The following SEMA5B variants were observed in gnomAD, a reference collection of about 807,000 sequenced individuals.
The protein encoded by SEMA5B is semaphorin-5B.
A neutral mutation model predicts 135.0 loss-of-function variants in SEMA5B; 66 were observed. The observed-to-expected ratio is 0.49, with a 90% CI of 0.40 to 0.60. The LOEUF is 0.60. SEMA5B is among the 20% of genes least tolerant of loss of function. The pLI is 0.00. For missense variants in SEMA5B, 1,501 were observed against 1,566.3 expected (o/e 0.96, Z 0.70); for synonymous variants, 690 against 639.5 (o/e 1.08, Z -1.19).
intron 2 of SEMA5B, among the ~76,000 whole-genome samples, chr3:122,957,607 C>A (rs1445705008): frequency 6.6e-6 from 1 of 152,210 alleles, no homozygotes; most frequent in Non-Finnish European, 1.5e-5. Context: ...GTACAAATGC[C>A]TGGAGCATAT....
intron 1 of SEMA5B, among the ~76,000 whole-genome samples, chr3:123,023,450 C>T (rs1267281009): frequency 1.3e-5 from 2 of 152,112 alleles, no homozygotes; most frequent in Non-Finnish European, 2.9e-5. Flanking sequence ...GTATAAGTAA[C>T]ACTCCCTCCA....
chr3:122,922,706 A>G (rs566791090), intron 10 of SEMA5B, among the ~76,000 whole-genome samples: 2 of 152,288 alleles, frequency 1.3e-5, no homozygotes, highest in African/African-American at 4.8e-5. Context: ...GGAGGAGAGC[A>G]AAGGGGACTG....
intron 1 of SEMA5B, among the ~76,000 whole-genome samples, chr3:122,993,870 C>T (rs749605755): frequency 1.2e-4 from 18 of 151,894 alleles, no homozygotes; most frequent in African/African-American, 1.9e-4. Flanking sequence ...AAGCATTTCA[C>T]GAAATAGTCA....
At chr3:122,958,773 T>C (rs1940447906) in intron 2 of SEMA5B, among the ~76,000 whole-genome samples, 1 of 151,958 alleles carries the variant, frequency 6.6e-6, no homozygotes, top group African/African-American at 2.4e-5. Flanking sequence ...GGGGAGGGTA[T>C]GGGGAGCCTC....
intron 1 of SEMA5B, among the ~76,000 whole-genome samples, chr3:123,002,045 C>G (rs866421033): frequency 2.6e-5 from 4 of 152,162 alleles, no homozygotes; most frequent in African/African-American, 9.7e-5. Context: ...AACCAAGGCA[C>G]AAGAATCAGA....
intron 1 of SEMA5B, among the ~76,000 whole-genome samples, chr3:122,973,740 C>T (rs1941212007): frequency 6.6e-6 from 1 of 152,170 alleles, no homozygotes; most frequent in Non-Finnish European, 1.5e-5. Context: ...TGGAGCCTCC[C>T]TGTCCCACTC....
chr3:122,923,999 T>G (rs2107644364), intron 9 of SEMA5B, among the ~76,000 whole-genome samples: 1 of 148,690 alleles, frequency 6.7e-6, no homozygotes. Flanking sequence ...CCTCCCTCCC[T>G]TATTCGGGGG....
chr3:122,963,066 G>A (rs1229497159), intron 1 of SEMA5B, among the ~76,000 whole-genome samples: 1 of 152,206 alleles, frequency 6.6e-6, no homozygotes, highest in Non-Finnish European at 1.5e-5. Flanking sequence ...GGTCACAGAA[G>A]CTGCATCCCT....
intron 1 of SEMA5B, among the ~76,000 whole-genome samples, chr3:123,001,550 A>C (rs1177093768): frequency 6.6e-6 from 1 of 152,192 alleles, no homozygotes; most frequent in Non-Finnish European, 1.5e-5. Context: ...TCCCTTTCAT[A>C]ATTCCCAGTG....
chr3:122,923,080 C>G (rs1224781360), intron 10 of SEMA5B, among the ~76,000 whole-genome samples: 1 of 152,190 alleles, frequency 6.6e-6, no homozygotes. Context: ...ATCCCACCCC[C>G]TGGGTGGGAA....
intron 1 of SEMA5B, among the ~76,000 whole-genome samples, chr3:123,006,143 T>A (rs902270001): frequency 4.6e-5 from 7 of 152,176 alleles, no homozygotes; most frequent in African/African-American, 1.7e-4. Flanking sequence ...ACTAGGAGTG[T>A]CTGCAGCTGG....
At position 123,005,628 on chromosome 3, in the gene SEMA5B, G is replaced by A. The variant is rs186921800; in HGVS notation, c.-39+21836C>T. Among the ~76,000 whole-genome samples the A allele has an allele frequency of 1.9e-3, 292 of 152,282 alleles. 1 individual carries two copies. The highest frequency in any genetic ancestry group is 6.7e-3 in the African/African-American group (279 of 41,548). ...TCTCATTGTAACTGGCTGAGGTTGAGGGTAGGGAGGTGGAATAGAGAATAA... is the reference window on the plus strand; with the variant it reads ...TCTCATTGTAACTGGCTGAGGTTGAAGGTAGGGAGGTGGAATAGAGAATAA... On this transcript the variant is annotated intron_variant, in intron 1 of 22. Transcript: ENST00000357599.
intron 1 of SEMA5B, among the ~76,000 whole-genome samples, chr3:123,024,000 C>T (rs774823106): frequency 6.6e-6 from 1 of 152,282 alleles, no homozygotes; most frequent in South Asian, 2.1e-4. Context: ...GGTGGGGCAC[C>T]AGAACTCAGC....
chr3:122,998,106 G>T (rs969106746), intron 1 of SEMA5B, among the ~76,000 whole-genome samples: 7 of 152,160 alleles, frequency 4.6e-5, no homozygotes, highest in Non-Finnish European at 8.8e-5. Context: ...CCTCACAGGA[G>T]CCTCCCTTGG....
At chr3:122,930,088 A>G (rs1938889671) in intron 5 of SEMA5B, among the ~76,000 whole-genome samples, 1 of 152,230 alleles carries the variant, frequency 6.6e-6, no homozygotes, top group Admixed American at 6.5e-5. Context: ...GGGGAAAAAA[A>G]AGAGCCCACC....
At chr3:122,960,218 C>T (rs1940514473) in intron 2 of SEMA5B, among the ~76,000 whole-genome samples, 1 of 152,212 alleles carries the variant, frequency 6.6e-6, no homozygotes, top group African/African-American at 2.4e-5. Flanking sequence ...CATTTCTACT[C>T]ACTTCCCCCA....
At chr3:122,914,903 G>A (rs768600644) in intron 14 of SEMA5B, among the ~76,000 whole-genome samples, 1 of 152,112 alleles carries the variant, frequency 6.6e-6, no homozygotes, top group Admixed American at 6.5e-5. Flanking sequence ...AGAGTGAGAC[G>A]CTGTCTCAAA....
rs145035408 is a variant in SEMA5B at position 122,978,382 on chromosome 3, G to A, written c.-38-17081C>T. Among the ~76,000 whole-genome samples, 587 of 152,322 alleles carry A rather than the reference G, an allele frequency of 3.9e-3. 7 individuals carry two copies. The highest frequency in any genetic ancestry group is 0.014 in the African/African-American group (567 of 41,578). ...ATGTTCACAGGCAGGCTGGGGAGGCGGGGCGTAGGGCCACAGGGACCCGTG... is the reference window on the plus strand; with the variant it reads ...ATGTTCACAGGCAGGCTGGGGAGGCAGGGCGTAGGGCCACAGGGACCCGTG... On this transcript the variant is annotated intron_variant, in intron 1 of 22. Transcript: ENST00000357599.
intron 5 of SEMA5B, among the ~76,000 whole-genome samples, chr3:122,938,563 C>T (rs1201445393): frequency 3.3e-5 from 5 of 152,198 alleles, no homozygotes; most frequent in African/African-American, 1.2e-4. Context: ...TGATTAAGTT[C>T]TAACTTCTGA....
Sources: allele counts gnomAD v4.1 joint callset (sites outside exome capture counted in the v4.1 genomes callset), GRCh38; gene constraint gnomAD v4.1.1; transcripts MANE v1.5; gene names NCBI Gene and HGNC (gene_info 2026-07-23, HGNC 2026-07-21).